The following APBA2 variants were observed in gnomAD, a reference collection of about 807,000 sequenced individuals.
APBA2 encodes the protein amyloid beta precursor protein binding family A member 2.
A neutral mutation model predicts 75.0 loss-of-function variants in APBA2; 30 were observed. The ratio of observed to expected loss-of-function variants is 0.40; its 90% CI spans 0.30 to 0.54. The LOEUF (loss-of-function observed/expected upper bound fraction) is 0.54. Ranked by LOEUF, APBA2 falls within the 20% of genes least tolerant of loss-of-function variation. The pLI, the probability that APBA2 is intolerant of heterozygous loss-of-function variation, is 0.49. For synonymous variants in APBA2, 444 were observed against 409.6 expected (o/e 1.08, Z -1.01); for missense variants, 801 against 1,016.1 (o/e 0.79, Z 2.88).
chr15:29,035,114 A>T (rs1245808883), intron 3 of APBA2, among the ~76,000 whole-genome samples: 1 of 152,016 alleles, frequency 6.6e-6, no homozygotes, highest in Non-Finnish European at 1.5e-5. Context: ...ATGGCAATTG[A>T]TGGGCAAGTG....
Position 29,117,138 on chromosome 15 carries a change from C to A in APBA2, c.*5C>A. The A allele has an allele frequency of 6.2e-7, 1 of 1,612,834 alleles. No homozygotes were observed. Reference sequence around the variant, plus strand: ...GAGACCCCGCTGTACATCTAGGCCACCCCAGCCTGGCCACGCAGCCAGGAC... The same window carrying A: ...GAGACCCCGCTGTACATCTAGGCCAACCCAGCCTGGCCACGCAGCCAGGAC... On this transcript the variant is annotated 3_prime_UTR_variant, in exon 15 of 15. Transcript: ENST00000683413.
intron 1 of APBA2, among the ~76,000 whole-genome samples, chr15:28,898,172 G>GACTT (rs2032626731): frequency 6.6e-6 from 1 of 152,182 alleles, no homozygotes; most frequent in Non-Finnish European, 1.5e-5. Flanking sequence ...ACTGCATGTA[G>GACTT]ACTTCTAGCC....
intron 2 of APBA2, among the ~76,000 whole-genome samples, chr15:28,955,531 A>G (rs1198281468): frequency 1.3e-5 from 2 of 152,230 alleles, no homozygotes; most frequent in African/African-American, 4.8e-5. Context: ...GAGGAACATC[A>G]GCTCTGTTCA....
rs372072184 is a variant in APBA2, at chr15:29,053,855, C to T, written c.-30C>T. The T allele has an allele frequency of 1.1e-4, 172 of 1,596,138 alleles. 1 individual carries two copies. In the African/African-American group the frequency reaches 1.6e-3, roughly 15 times the overall value. Reference sequence around the variant, plus strand: ...TGTTCCTCCCCACAGTGGCTGCCTCCGGGTGATGATGGCTGTGTGAACGAC... The same window carrying T: ...TGTTCCTCCCCACAGTGGCTGCCTCTGGGTGATGATGGCTGTGTGAACGAC... On this transcript the variant is annotated 5_prime_UTR_variant, in exon 4 of 15. Transcript: ENST00000683413.
intron 3 of APBA2, among the ~76,000 whole-genome samples, chr15:29,016,818 C>G (rs1170319545): frequency 3.9e-5 from 6 of 152,234 alleles, no homozygotes; most frequent in Admixed American, 1.3e-4. Context: ...GCCTGCTTCT[C>G]CTTTGCTCCT....
intron 2 of APBA2, among the ~76,000 whole-genome samples, chr15:28,933,507 A>G (rs1229324357): frequency 6.6e-6 from 1 of 152,166 alleles, no homozygotes; most frequent in East Asian, 1.9e-4. Flanking sequence ...TTGTGAGAGT[A>G]CCCTGAATGG....
chr15:28,999,359 G>A (rs908855141), intron 3 of APBA2, among the ~76,000 whole-genome samples: 6 of 152,136 alleles, frequency 3.9e-5, no homozygotes, highest in African/African-American at 1.2e-4. Flanking sequence ...TTTGTATTCT[G>A]TTTGTATCAA....
At chr15:28,931,275 C>T (rs532034540) in intron 2 of APBA2, among the ~76,000 whole-genome samples, 41 of 152,336 alleles carry the variant, frequency 2.7e-4, no homozygotes, top group African/African-American at 9.4e-4. Context: ...AACATCTCAT[C>T]CCGCTGCTGG....
At chr15:29,068,767 C>T (rs2042488548) in intron 4 of APBA2, among the ~76,000 whole-genome samples, 1 of 152,168 alleles carries the variant, frequency 6.6e-6, no homozygotes, top group South Asian at 2.1e-4. Flanking sequence ...GGATGACCTC[C>T]GTAGAGCTTA....
At chr15:29,015,062 C>T (rs1238734603) in intron 3 of APBA2, among the ~76,000 whole-genome samples, 1 of 151,994 alleles carries the variant, frequency 6.6e-6, no homozygotes, top group Non-Finnish European at 1.5e-5. Context: ...GCTGAAGCCA[C>T]CTTTGATATT....
chr15:29,004,977 G>C (rs1344315735), intron 3 of APBA2, among the ~76,000 whole-genome samples: 3 of 151,974 alleles, frequency 2.0e-5, no homozygotes, highest in Admixed American at 1.3e-4. Flanking sequence ...ATCACGCCCG[G>C]CCAGGGACCT....
intron 3 of APBA2, among the ~76,000 whole-genome samples, chr15:29,024,788 T>C (rs991711692): frequency 6.6e-6 from 1 of 152,150 alleles, no homozygotes; most frequent in African/African-American, 2.4e-5. Context: ...CTGCCTGACA[T>C]GTTTATTCTG....
chr15:28,909,135 C>T (rs149953546), intron 1 of APBA2, among the ~76,000 whole-genome samples: 7,542 of 152,028 alleles, frequency 0.05, 653 homozygotes, highest in African/African-American at 0.17. Flanking sequence ...TACAGGCGCC[C>T]GCCACCATGC....
intron 2 of APBA2, among the ~76,000 whole-genome samples, chr15:28,950,075 T>A (rs1261078117): frequency 6.6e-6 from 1 of 152,152 alleles, no homozygotes; most frequent in Middle Eastern, 3.2e-3. Context: ...TCTGTGACAG[T>A]TTTTCAGCTT....
chr15:28,912,159 A>G (rs1315890915), intron 1 of APBA2, among the ~76,000 whole-genome samples: 1 of 152,056 alleles, frequency 6.6e-6, no homozygotes, highest in Non-Finnish European at 1.5e-5. Flanking sequence ...AATAATTTTT[A>G]TTGCTATTTG....
intron 3 of APBA2, among the ~76,000 whole-genome samples, chr15:29,039,205 GGAGA>G (rs1250782907): frequency 2.0e-5 from 3 of 148,436 alleles, no homozygotes; most frequent in African/African-American, 7.4e-5. Flanking sequence ...GGCCCACCAG[GGAGA>G]TTCCTGTGAG....
intron 2 of APBA2, among the ~76,000 whole-genome samples, chr15:28,987,035 A>G (rs2037962477): frequency 1.3e-5 from 2 of 152,148 alleles, no homozygotes; most frequent in African/African-American, 4.8e-5. Context: ...TTACAAAGGC[A>G]CAAATCCCAT....
chr15:29,015,775 A>G (rs142840024), intron 3 of APBA2, among the ~76,000 whole-genome samples: 253 of 152,144 alleles, frequency 1.7e-3, no homozygotes, highest in Admixed American at 3.7e-3. Flanking sequence ...TTGTGGGGGG[A>G]CAAGAGTGAA....
intron 3 of APBA2, among the ~76,000 whole-genome samples, chr15:29,043,097 G>T (rs1017396412): frequency 6.6e-6 from 1 of 152,096 alleles, no homozygotes; most frequent in Non-Finnish European, 1.5e-5. Context: ...AGCAAATACC[G>T]GCCAGGCCAG....
Sources: allele counts gnomAD v4.1 joint callset (sites outside exome capture counted in the v4.1 genomes callset), GRCh38; gene constraint gnomAD v4.1.1; transcripts MANE v1.5; gene names NCBI Gene and HGNC (gene_info 2026-07-23, HGNC 2026-07-21).